Variants in MALT1 observed in about 807,000 individuals in gnomAD.
The protein encoded by MALT1 is mucosa-associated lymphoid tissue lymphoma translocation protein 1.
A neutral mutation model predicts 85.5 loss-of-function variants in MALT1; 36 were observed. The ratio of observed to expected loss-of-function variants is 0.42; its 90% CI spans 0.32 to 0.56. The LOEUF is 0.56. Ranked by LOEUF, MALT1 falls within the 20% of genes least tolerant of loss-of-function variation. The pLI, the probability that MALT1 is intolerant of heterozygous loss-of-function variation, is 0.10. For synonymous variants in MALT1, 359 were observed against 361.3 expected, an observed-to-expected ratio of 0.99 and a Z score of 0.07; for missense variants, 716 against 981.6, an observed-to-expected ratio of 0.73 and a Z score of 3.62.
chr18:58,700,605 G>T lies in MALT1; in HGVS notation c.649+14G>T, dbSNP rs1395701889. The T allele has an allele frequency of 2.5e-6, 4 of 1,575,698 alleles. No homozygotes were observed. The highest frequency in any genetic ancestry group is 3.4e-6 in the Non-Finnish European group (4 of 1,167,538). ...AGAGCTTCCAGAGTAAGTAACGAAA[G>T]AAGCTGAATGTTGGGATGGGGATTC... On this transcript the variant is annotated intron_variant, in intron 4 of 16. Transcript: ENST00000649217.
Position 58,700,506 on chromosome 18 carries a change from T to C in MALT1, c.564T>C (p.Tyr188=). ...TGCATGTAAAAGATGCAGGCTTTTATGTCTGTCGAGTTAATAACAATTTCA... is the reference window on the plus strand; with the variant it reads ...TGCATGTAAAAGATGCAGGCTTTTACGTCTGTCGAGTTAATAACAATTTCA... The part of the protein sequence containing the change: ...NAVHVKDAGF[Y]VCRVNNNFTF... The change falls in exon 4 of 17, where the codon TAT becomes TAC. Residue 188 remains tyrosine, a synonymous_variant. Transcript: ENST00000649217. 1.9e-6 allele frequency: 3 copies of C among 1,613,236 alleles called. No individual in the cohort carries two copies. The highest frequency in any genetic ancestry group is 2.7e-5 in the African/African-American group (2 of 75,018).
intron 2 of MALT1, among the ~76,000 whole-genome samples, chr18:58,687,412 A>G (rs1381382862): frequency 2.0e-5 from 3 of 152,206 alleles, no homozygotes; most frequent in Non-Finnish European, 4.4e-5. Flanking sequence ...CATGTAAGAG[A>G]AACATATGTG....
At chr18:58,734,036 T>C (rs1479134027) in intron 11 of MALT1, 1 of 1,260,740 alleles carries the variant, frequency 7.9e-7, no homozygotes, top group African/African-American at 1.5e-5. Flanking sequence ...CAATGACTGT[T>C]CCTCTAGATT....
intron 2 of MALT1, among the ~76,000 whole-genome samples, chr18:58,683,335 T>C (rs75262274): frequency 0.054 from 8,201 of 152,300 alleles, 353 homozygotes; most frequent in East Asian, 0.22. Flanking sequence ...ATAATTATGC[T>C]TAATTACTCT....
intron 3 of MALT1, among the ~76,000 whole-genome samples, chr18:58,698,409 A>G (rs2054625750): frequency 6.6e-6 from 1 of 152,192 alleles, no homozygotes; most frequent in East Asian, 1.9e-4. Flanking sequence ...TGAAGGAAGC[A>G]GAGAACAGCA....
intron 13 of MALT1, among the ~76,000 whole-genome samples, chr18:58,736,039 G>A (rs1036148901): frequency 5.3e-5 from 8 of 152,138 alleles, no homozygotes; most frequent in Non-Finnish European, 1.2e-4. Context: ...TGTAATCCCA[G>A]CACTTTGGGA....
intron 4 of MALT1, among the ~76,000 whole-genome samples, chr18:58,701,461 G>A (rs539882775): frequency 7.9e-5 from 12 of 152,210 alleles, no homozygotes; most frequent in East Asian, 5.8e-4. Flanking sequence ...TATAGAACTC[G>A]TTGCATTGAT....
intron 3 of MALT1, among the ~76,000 whole-genome samples, chr18:58,698,258 G>A (rs1025917767): frequency 6.6e-6 from 1 of 151,164 alleles, no homozygotes; most frequent in African/African-American, 2.4e-5. Flanking sequence ...GGAGAGACGG[G>A]GTTTCACCAT....
chr18:58,706,511 G>T (rs190247868), intron 4 of MALT1, among the ~76,000 whole-genome samples: 27 of 152,298 alleles, frequency 1.8e-4, no homozygotes, highest in African/African-American at 5.5e-4. Flanking sequence ...ATAGTTACCT[G>T]TTGTGGCACT....
rs1568129469 is a variant in MALT1 at position 58,692,445 on chromosome 18, C to CTCTCTCTCTCTCTCTCTCTCT, written c.377-3921_377-3920insTCTCTCTCTCTCTCTCTCTCT. On this transcript the variant is annotated intron_variant, in intron 2 of 16. Transcript: ENST00000649217. ...CTCTCTCTCTCTCTCTCACTCTCTC[C>CTCTCTCTCTCTCTCTCTCTCT]CTCCCTCCCTCCCTCCCTCCCTGTC... 6.0e-4 allele frequency among the ~76,000 whole-genome samples: 17 copies of CTCTCTCTCTCTCTCTCTCTCT among 28,416 alleles called. 1 individual carries two copies. Among genetic ancestry groups the CTCTCTCTCTCTCTCTCTCTCT allele is most frequent in the Middle Eastern group, 0.018 (1 of 56 alleles). The allele number at this position is 28,416 out of a possible 152,430, so 18.6% of individuals were successfully genotyped here. A position where few individuals can be genotyped will look rare whatever the true frequency, so the allele number is the denominator to read the frequency against.
chr18:58,671,861 A>C lies in MALT1; in HGVS notation c.209+9A>C. 13 of 1,217,318 alleles carry C rather than the reference A, an allele frequency of 1.1e-5. No individual in the cohort carries two copies. Among genetic ancestry groups the C allele is most frequent in the Non-Finnish European group, 1.3e-5 (13 of 979,030 alleles). The allele number at this position is 1,217,318 out of a possible 1,614,324, so 75.4% of individuals were successfully genotyped here. A position where few individuals can be genotyped will look rare whatever the true frequency, so the allele number is the denominator to read the frequency against. ...GGGCGCCTCCGCCTCAGGTGAGCTC[A>C]GGGCCGCGGCAGGCCGGGCGCGCGG... On this transcript the variant is annotated intron_variant, in intron 1 of 16. Transcript: ENST00000649217.
intron 7 of MALT1, 127 bp downstream of exon 7, chr18:58,711,080 T>G (rs986576011): frequency 4.2e-5 from 23 of 541,810 alleles, no homozygotes; most frequent in Admixed American, 8.2e-5. Flanking sequence ...TGATTTTGAT[T>G]GAAGAATATT....
At chr18:58,699,475 G>A (rs978887744) in intron 3 of MALT1, among the ~76,000 whole-genome samples, 1 of 152,198 alleles carries the variant, frequency 6.6e-6, no homozygotes, top group Non-Finnish European at 1.5e-5. Flanking sequence ...CTTGGGGTTT[G>A]GAGAGGGAGG....
At chr18:58,729,470 CA>C (rs2055113352) in intron 10 of MALT1, among the ~76,000 whole-genome samples, 1 of 103,298 alleles carries the variant, frequency 9.7e-6, no homozygotes. Context: ...GCCTGGGCAA[CA>C]AGAGTGAAAC....
chr18:58,748,334 C>T lies in MALT1; in HGVS notation c.*492C>T, dbSNP rs7231745. 1,152 of 200,056 alleles carry T rather than the reference C, an allele frequency of 5.8e-3. 16 individuals carry two copies. Among genetic ancestry groups the T allele is most frequent in the African/African-American group, 0.025 (1,085 of 43,580 alleles). 12.4% of individuals were successfully genotyped at this position (200,056 alleles called of 1,614,324 possible). A position where few individuals can be genotyped will look rare whatever the true frequency, so the allele number is the denominator to read the frequency against. ...TTCCACTACACAACTGCCTTCCTGA[C>T]AGGTTCTGAGATAAGTGTTATGTTT... On this transcript the variant is annotated 3_prime_UTR_variant, in exon 17 of 17. Coordinates refer to ENST00000649217, the MANE Select transcript of MALT1 (RefSeq NM_006785.4).
chr18:58,748,758 T>G lies in MALT1; in HGVS notation c.*916T>G. 1 of 196,464 alleles carries G rather than the reference T, an allele frequency of 5.1e-6. No homozygotes were observed. The highest frequency in any genetic ancestry group is 1.1e-5 in the Non-Finnish European group (1 of 94,520). 12.2% of individuals were successfully genotyped at this position (196,464 alleles called of 1,614,324 possible). On this transcript the variant is annotated 3_prime_UTR_variant, in exon 17 of 17. Transcript: ENST00000649217. ...AAGTTGGTTAAAAATGCAATTGGCA[T>G]TAACAAGGAAAAATACTGAATTAGT...
In MALT1 at chr18:58,753,801, T is replaced by A. The variant is rs1450188184; in HGVS notation, c.*5959T>A. 6.6e-6 allele frequency: 1 copy of A among 152,212 alleles called. No individual in the cohort carries two copies. The highest frequency in any genetic ancestry group is 1.9e-4 in the East Asian group (1 of 5,202). The allele number at this position is 152,212 out of a possible 1,614,324, so 9.4% of individuals were successfully genotyped here. A position where few individuals can be genotyped will look rare whatever the true frequency, so the allele number is the denominator to read the frequency against. Reference sequence around the variant, plus strand: ...AGCTTCAATACATTTAAGAACACATTTTTAACTTTTCGTAAGGAGTCTTCA... The same window carrying A: ...AGCTTCAATACATTTAAGAACACATATTTAACTTTTCGTAAGGAGTCTTCA... On this transcript the variant is annotated 3_prime_UTR_variant, in exon 17 of 17. Coordinates refer to ENST00000649217, the MANE Select transcript of MALT1 (RefSeq NM_006785.4).
At chr18:58,711,511 C>T (rs971187945) in intron 7 of MALT1, among the ~76,000 whole-genome samples, 1 of 152,058 alleles carries the variant, frequency 6.6e-6, no homozygotes, top group African/African-American at 2.4e-5. Flanking sequence ...GTCACCTTTA[C>T]CATAATATGT....
intron 9 of MALT1, 141 bp downstream of exon 9, chr18:58,716,108 AAG>A (rs2054896090): frequency 1.5e-6 from 1 of 654,110 alleles, no homozygotes; most frequent in Non-Finnish European, 2.6e-6. Flanking sequence ...GTATCTGTAA[AAG>A]AAGGTTTAGA....
Sources: gnomAD v4.1 joint callset for allele counts (sites outside exome capture counted in the v4.1 genomes callset) on GRCh38, gnomAD v4.1.1 for gene constraint, MANE v1.5 for transcripts, NCBI Gene and HGNC (gene_info 2026-07-23, HGNC 2026-07-21) for gene names.